FMN1: variants seen among roughly 807,000 people sequenced by gnomAD.
FMN1 encodes the protein formin 1.
FMN1 carries 110 observed loss-of-function variants against 132.4 expected under a neutral mutation model. The ratio of observed to expected loss-of-function variants is 0.83; its 90% CI spans 0.71 to 0.97. The LOEUF is 0.97. Among genes scored for constraint, FMN1 ranks in the 50% least tolerant of loss-of-function variants. The pLI is 0.00. For synonymous variants in FMN1, 722 were observed against 651.7 expected, an observed-to-expected ratio of 1.11 and a Z score of -1.64; for missense variants, 1,792 against 1,705.3, an observed-to-expected ratio of 1.05 and a Z score of -0.90.
chr15:32,982,267 C>T (rs1160045267), intron 7 of FMN1, among the ~76,000 whole-genome samples: 4 of 152,110 alleles, frequency 2.6e-5, no homozygotes, highest in African/African-American at 9.7e-5. Context: ...CTGACAATAC[C>T]AAATGCTAGT....
chr15:33,003,008 TCAA>T (rs1351619263), intron 7 of FMN1, among the ~76,000 whole-genome samples: 1 of 152,188 alleles, frequency 6.6e-6, no homozygotes, highest in African/African-American at 2.4e-5. Context: ...TTGACAAAAT[TCAA>T]CAACACTTCA....
intron 15 of FMN1, among the ~76,000 whole-genome samples, chr15:32,889,546 T>C (rs1178772477): frequency 1.3e-5 from 2 of 152,156 alleles, no homozygotes; most frequent in Non-Finnish European, 2.9e-5. Flanking sequence ...CCTCTAGACC[T>C]TCATGAAATA....
intron 17 of FMN1, among the ~76,000 whole-genome samples, chr15:32,825,822 A>G (rs1176258654): frequency 6.6e-6 from 1 of 152,106 alleles, no homozygotes; most frequent in Non-Finnish European, 1.5e-5. Flanking sequence ...TTAAGCCGGG[A>G]GACCGTCTCT....
chr15:33,108,882 T>C (rs191000146), intron 4 of FMN1, among the ~76,000 whole-genome samples: 189 of 152,264 alleles, frequency 1.2e-3, no homozygotes, highest in African/African-American at 4.3e-3. Context: ...CTTTGGCCTC[T>C]GTCAGTGACC....
Position 33,067,004 on chromosome 15 carries a change from G to A in FMN1, c.2044-1930C>T, listed in dbSNP as rs773284381. 2.5e-6 allele frequency: 4 copies of A among 1,613,916 alleles called. 1 individual carries two copies. The highest frequency in any genetic ancestry group is 2.2e-5 in the South Asian group (2 of 91,072). ...ATCCTTTGGTTTAATTTCCGTGATGGTCTCTCCTCCCTCAGCGGTAGCCCC... is the reference window on the plus strand; with the variant it reads ...ATCCTTTGGTTTAATTTCCGTGATGATCTCTCCTCCCTCAGCGGTAGCCCC... On this transcript the variant is annotated intron_variant, in intron 5 of 20. Coordinates refer to ENST00000616417, the MANE Select transcript of FMN1 (RefSeq NM_001277313.2).
chr15:33,103,169 C>T (rs906551136), intron 4 of FMN1, among the ~76,000 whole-genome samples: 4 of 152,046 alleles, frequency 2.6e-5, no homozygotes, highest in African/African-American at 9.7e-5. Context: ...CCAGGTTTTT[C>T]AGGTGATAAG....
chr15:33,013,021 G>C, intron 6 of FMN1: 1 of 410,934 alleles, frequency 2.4e-6, no homozygotes, highest in South Asian at 1.9e-5. Flanking sequence ...ACAAAACCAA[G>C]GAGGCTATAG....
rs2057382103 is a variant in FMN1 at position 32,798,890 on chromosome 15, G to A, written c.4044C>T (p.Pro1348=). The A allele has an allele frequency of 1.9e-6, 3 of 1,613,024 alleles. No homozygotes were observed. Among genetic ancestry groups the A allele is most frequent in the Non-Finnish European group, 2.5e-6 (3 of 1,179,412 alleles). Residue 1348 remains proline, a synonymous_variant, in exon 19 of 21, where the codon CCC becomes CCT. Transcript: ENST00000616417. The stretch of plus-strand genomic sequence containing the variant: ...CATACCACACCATAAACACGTAGCT[G>A]GGTGTGATCTCCTTCTCACCAGACT... The part of the protein sequence containing the change: ...KPKSGEKEIT[P]SYVFMVWYEF...
chr15:32,887,365 G>A (rs187554507), intron 16 of FMN1, among the ~76,000 whole-genome samples: 30 of 152,188 alleles, frequency 2.0e-4, no homozygotes, highest in Admixed American at 1.8e-3. Context: ...CAAGCTCCAA[G>A]GCAAGTATTT....
intron 6 of FMN1, among the ~76,000 whole-genome samples, chr15:33,022,499 T>TA (rs1275797172): frequency 1.3e-5 from 2 of 152,248 alleles, no homozygotes; most frequent in Non-Finnish European, 2.9e-5. Flanking sequence ...CTAAAAAAGT[T>TA]AAAAGTGTCC....
chr15:33,011,377 C>G (rs569635750), intron 6 of FMN1, among the ~76,000 whole-genome samples: 277 of 152,092 alleles, frequency 1.8e-3, no homozygotes, highest in African/African-American at 6.4e-3. Flanking sequence ...TGGAAAAAGA[C>G]AAAACTGGAT....
intron 7 of FMN1, among the ~76,000 whole-genome samples, chr15:32,979,635 G>A (rs909612525): frequency 6.8e-6 from 1 of 146,104 alleles, no homozygotes; most frequent in Non-Finnish European, 1.5e-5. Flanking sequence ...TAATATATTT[G>A]TAAGTTATGA....
chr15:32,924,475 T>C (rs2060908417), intron 10 of FMN1, among the ~76,000 whole-genome samples: 1 of 152,166 alleles, frequency 6.6e-6, no homozygotes. Flanking sequence ...TTCTGCTGAG[T>C]AGCAAAGTCA....
At chr15:33,071,276 T>G (rs2037988821) in intron 5 of FMN1, among the ~76,000 whole-genome samples, 1 of 151,960 alleles carries the variant, frequency 6.6e-6, no homozygotes, top group Non-Finnish European at 1.5e-5. Context: ...GAAAGAAAAA[T>G]CAAGCAAAAA....
chr15:33,043,032 G>A (rs1431011729), intron 6 of FMN1, among the ~76,000 whole-genome samples: 1 of 152,052 alleles, frequency 6.6e-6, no homozygotes, highest in Non-Finnish European at 1.5e-5. Flanking sequence ...ACTCAAAATG[G>A]TTTGACTTAT....
chr15:32,840,384 G>A (rs1235145881), intron 17 of FMN1, among the ~76,000 whole-genome samples: 3 of 152,114 alleles, frequency 2.0e-5, no homozygotes, highest in African/African-American at 4.8e-5. Context: ...CTAGCTCCAC[G>A]CAGCTCTATT....
At chr15:32,871,926 GA>G (rs2059525125) in intron 16 of FMN1, among the ~76,000 whole-genome samples, 1 of 152,118 alleles carries the variant, frequency 6.6e-6, no homozygotes, top group South Asian at 2.1e-4. Flanking sequence ...TCCATCCACT[GA>G]AGTAATTTAC....
chr15:33,120,116 A>T (rs1962414060), intron 4 of FMN1, among the ~76,000 whole-genome samples: 1 of 152,214 alleles, frequency 6.6e-6, no homozygotes, highest in African/African-American at 2.4e-5. Context: ...CAGGACTCTG[A>T]CATCTATTTC....
chr15:33,139,472 TC>T (rs1963917133), intron 4 of FMN1, among the ~76,000 whole-genome samples: 1 of 152,024 alleles, frequency 6.6e-6, no homozygotes. Context: ...ACACCTATAA[TC>T]CCAACTACTC....
Sources: gnomAD v4.1 joint callset for allele counts (sites outside exome capture counted in the v4.1 genomes callset) on GRCh38, gnomAD v4.1.1 for gene constraint, MANE v1.5 for transcripts, NCBI Gene and HGNC (gene_info 2026-07-23, HGNC 2026-07-21) for gene names.